C2CD2: variants seen among roughly 807,000 people sequenced by gnomAD.
C2CD2 encodes C2 calcium dependent domain containing 2.
Under a neutral mutation model 74.3 loss-of-function variants are expected in C2CD2, and 43 were observed. The ratio of observed to expected loss-of-function variants is 0.58; its 90% CI spans 0.45 to 0.75. The LOEUF is 0.75. Ranked by LOEUF, C2CD2 falls within the 30% of genes least tolerant of loss-of-function variation. The pLI, the probability that C2CD2 is intolerant of heterozygous loss-of-function variation, is 0.00. For synonymous variants in C2CD2, 422 were observed against 390.7 expected (o/e 1.08, Z -0.94); for missense variants, 801 against 916.3 (o/e 0.87, Z 1.63).
chr21:41,894,673 T>C (rs552269506), intron 13 of C2CD2: 1 of 456,756 alleles, frequency 2.2e-6, no homozygotes, highest in African/African-American at 2.0e-5. Flanking sequence ...CAGAGAGGCA[T>C]GCAGGGGGCA....
chr21:41,907,178 A>T lies in C2CD2; in HGVS notation c.1144-12T>A, dbSNP rs1423089571. 6.2e-7 allele frequency: 1 copy of T among 1,612,716 alleles called. No individual in the cohort carries two copies. ...TCCATGTAAGAGAACTGCAGAGAAG[A>T]CGCGTTACTTGTTTCTGGTTTTGTG... On this transcript the variant is annotated splice_polypyrimidine_tract_variant and intron_variant, in intron 9 of 13. Transcript: ENST00000380486.
At chr21:41,942,341 G>C (rs2065361780) in intron 1 of C2CD2, 96 bp from the exon 2 acceptor site, 1 of 915,220 alleles carries the variant, frequency 1.1e-6, no homozygotes, top group Non-Finnish European at 1.7e-6. Flanking sequence ...TTAAGAAAAT[G>C]TACTAACACA....
intron 13 of C2CD2, chr21:41,894,789 T>G: frequency 2.2e-6 from 1 of 456,748 alleles, no homozygotes; most frequent in South Asian, 1.5e-5. Flanking sequence ...ACTATCACCT[T>G]TGGGGTAAAC....
At position 41,912,363 on chromosome 21, in the gene C2CD2, G is replaced by A. The variant is rs1308297851; in HGVS notation, c.922C>T (p.Pro308Ser). The change falls in exon 7 of 14, where the codon CCG becomes TCG. Residue 308 changes from proline (P) to serine (S), a missense_variant. Coordinates refer to ENST00000380486, the MANE Select transcript of C2CD2 (RefSeq NM_015500.2). ...RFSSTLTKNT[P>S]DLMWEEEFTF... ...AATTCCTCTTCCCACATGAGGTCCG[G>A]AGTGTTTTTCGTCAGGGTGCTGGAG... 6.2e-7 allele frequency: 1 copy of A among 1,612,164 alleles called. No homozygotes were observed. The highest frequency in any genetic ancestry group is 8.5e-7 in the Non-Finnish European group (1 of 1,179,518).
chr21:41,940,271 T>A (rs1287201758), intron 2 of C2CD2, among the ~76,000 whole-genome samples: 1 of 152,174 alleles, frequency 6.6e-6, no homozygotes, highest in African/African-American at 2.4e-5. Flanking sequence ...TGAATTATAG[T>A]TGAAGCAAAA....
At position 41,933,188 on chromosome 21, in the gene C2CD2, G is replaced by A. The variant is rs183674546; in HGVS notation, c.378+8959C>T. 5.4e-4 allele frequency among the ~76,000 whole-genome samples: 82 copies of A among 150,646 alleles called. 3 individuals carry two copies. The highest frequency in any genetic ancestry group is 1.7e-3 in the African/African-American group (72 of 41,442). On this transcript the variant is annotated intron_variant, in intron 2 of 13. Coordinates refer to ENST00000380486, the MANE Select transcript of C2CD2 (RefSeq NM_015500.2). ...AGTGTGAGCTTTGAAAGGGAGGGGC[G>A]ATGCCCTGGAATGAGAAGTTCCTGT... is the stretch of plus-strand genomic sequence containing the variant.
intron 11 of C2CD2, among the ~76,000 whole-genome samples, chr21:41,902,994 C>A (rs116203536): frequency 0.017 from 2,619 of 152,234 alleles, 88 homozygotes; most frequent in African/African-American, 0.06. Flanking sequence ...AGATTGAGCT[C>A]AAATCACCAA....
chr21:41,949,944 C>T (rs2065436445), intron 1 of C2CD2, among the ~76,000 whole-genome samples: 1 of 152,120 alleles, frequency 6.6e-6, no homozygotes, highest in Non-Finnish European at 1.5e-5. Flanking sequence ...ACAATGAGAA[C>T]ACATGGACAC....
At chr21:41,901,230 CAAA>C in intron 12 of C2CD2, 3 of 307,964 alleles carry the variant, frequency 9.7e-6, no homozygotes, top group South Asian at 9.6e-5. Context: ...ACATTCACTG[CAAA>C]AAAGTAAAAG....
intron 3 of C2CD2, among the ~76,000 whole-genome samples, chr21:41,920,134 C>G (rs117462479): frequency 0.015 from 2,216 of 152,286 alleles, 29 homozygotes; most frequent in Non-Finnish European, 0.02. Flanking sequence ...ATTCTACCAA[C>G]AACCCCAAAA....
chr21:41,924,236 A>G lies in C2CD2; in HGVS notation c.379-2151T>C, dbSNP rs181227458. On this transcript the variant is annotated intron_variant, in intron 2 of 13. Transcript: ENST00000380486. This position sits in a 1 kb window ranked among gnomAD's most constrained non-coding sequence, Gnocchi z 4.4. ...TTCTCATCTGCTGGCTCCTGGCCGC[A>G]GCCAAGCCCTGGGTCCAGCTCTTCC... is the stretch of plus-strand genomic sequence containing the variant. Among the ~76,000 whole-genome samples the G allele has an allele frequency of 0.022, 3,353 of 152,310 alleles. 124 individuals are homozygous for G. The highest frequency in any genetic ancestry group is 0.076 in the African/African-American group (3,168 of 41,562).
At chr21:41,904,553 T>A (rs1002704301) in intron 11 of C2CD2, among the ~76,000 whole-genome samples, 1 of 152,184 alleles carries the variant, frequency 6.6e-6, no homozygotes. Flanking sequence ...TAGATCAAGA[T>A]CCTTTTCTGG....
Position 41,953,806 on chromosome 21 carries a change from G to A in C2CD2, c.-158C>T. The A allele has an allele frequency of 1.7e-6, 1 of 601,556 alleles. No homozygotes were observed. The highest frequency in any genetic ancestry group is 4.8e-5 in the Admixed American group (1 of 21,048). 37.3% of individuals were successfully genotyped at this position (601,556 alleles called of 1,614,324 possible). A position where few individuals can be genotyped will look rare whatever the true frequency, so the allele number is the denominator to read the frequency against. On this transcript the variant is annotated 5_prime_UTR_variant, in exon 1 of 14. Transcript: ENST00000380486. ...CGAGGAGCGTGGCCGGGGGCCTCTG[G>A]GCGGGCAAGCGGGGAGGAAACGCGC...
At position 41,936,335 on chromosome 21, in the gene C2CD2, A is replaced by T. The variant is rs1373809591; in HGVS notation, c.378+5812T>A. Among the ~76,000 whole-genome samples, 13 of 152,356 alleles carry T rather than the reference A, an allele frequency of 8.5e-5. No individual in the cohort carries two copies. In the Middle Eastern group the frequency reaches 0.014, roughly 159 times the overall value. ...CTTTAGATGGCCAACAGGTCTATGA[A>T]AAAGGGCTCAACATCACTAATCATT... On this transcript the variant is annotated intron_variant, in intron 2 of 13. Transcript: ENST00000380486.
intron 8 of C2CD2, chr21:41,908,590 G>A (rs890367399): frequency 2.0e-5 from 3 of 152,026 alleles, no homozygotes; most frequent in Non-Finnish European, 4.4e-5. Context: ...CAGTTTTCTC[G>A]GGACTCCAAA....
chr21:41,897,305 T>C (rs2064835285), intron 13 of C2CD2, among the ~76,000 whole-genome samples: 1 of 152,166 alleles, frequency 6.6e-6, no homozygotes. Flanking sequence ...GGTTGGGTTC[T>C]GCCAGGACAA....
intron 12 of C2CD2, chr21:41,901,327 T>G: frequency 2.2e-6 from 1 of 455,680 alleles, no homozygotes; most frequent in Non-Finnish European, 4.1e-6. Context: ...CAAAGGGGAG[T>G]CTTACATCAT....
chr21:41,908,885 T>C lies in C2CD2; in HGVS notation c.1018+574A>G, dbSNP rs1387208755. ...TTTAGTGTTTTAGTGACTTTACCTC[T>C]AATTGTTGCTTTCTTGTGTATAAAT... On this transcript the variant is annotated intron_variant, in intron 8 of 13. Transcript: ENST00000380486. 5 of 153,362 alleles carry C rather than the reference T, an allele frequency of 3.3e-5. No individual in the cohort carries two copies. The East Asian group carries it at 7.6e-4, about 23-fold the overall frequency. 9.5% of individuals were successfully genotyped at this position (153,362 alleles called of 1,614,324 possible). A position where few individuals can be genotyped will look rare whatever the true frequency, so the allele number is the denominator to read the frequency against.
At position 41,903,677 on chromosome 21, in the gene C2CD2, G is replaced by C. The variant is rs1358299025; in HGVS notation, c.1433-1928C>G. On this transcript the variant is annotated intron_variant, in intron 11 of 13. Coordinates refer to ENST00000380486, the MANE Select transcript of C2CD2 (RefSeq NM_015500.2). The surrounding 1 kb of genome is among the most constrained non-coding windows in gnomAD (Gnocchi z 4.5). ...AAAGCCACCAAGGGAGACGTGTCGGGAGCACGTCCTCCTCACGCCAGGCCC... is the reference window on the plus strand; with the variant it reads ...AAAGCCACCAAGGGAGACGTGTCGGCAGCACGTCCTCCTCACGCCAGGCCC... 1.3e-5 allele frequency among the ~76,000 whole-genome samples: 2 copies of C among 152,138 alleles called. No individual in the cohort carries two copies. Among genetic ancestry groups the C allele is most frequent in the South Asian group, 4.1e-4 (2 of 4,828 alleles).
Sources: gnomAD v4.1 joint callset for allele counts (sites outside exome capture counted in the v4.1 genomes callset) on GRCh38, gnomAD v4.1.1 for gene constraint, Gnocchi (gnomAD v3.1) non-coding constraint, MANE v1.5 for transcripts, NCBI Gene and HGNC (gene_info 2026-07-23, HGNC 2026-07-21) for gene names.